LARP1B: variants seen among roughly 807,000 people sequenced by gnomAD.
The protein encoded by LARP1B is la-related protein 1B.
In LARP1B, 76 loss-of-function variants were observed where a neutral mutation model predicts 114.2. The ratio of observed to expected loss-of-function variants is 0.67; its 90% confidence interval spans 0.55 to 0.81. The LOEUF (loss-of-function observed/expected upper bound fraction) is 0.81. Among genes scored for constraint, LARP1B ranks in the 30% least tolerant of loss-of-function variants. LARP1B has a pLI of 0.00. For synonymous variants in LARP1B, 345 were observed against 348.0 expected (o/e 0.99, Z 0.10); for missense variants, 1,014 against 1,075.8 (o/e 0.94, Z 0.80).
intron 5 of LARP1B, among the ~76,000 whole-genome samples, chr4:128,088,005 TA>T (rs1774343157): frequency 6.6e-6 from 1 of 151,956 alleles, no homozygotes; most frequent in Admixed American, 6.6e-5. Flanking sequence ...ATTGAATATA[TA>T]AGAAAATAGA....
rs893303324 is a variant in LARP1B, at chr4:128,097,188, T to G, written c.669-998T>G. Among the ~76,000 whole-genome samples the G allele has an allele frequency of 2.6e-5, 4 of 151,704 alleles. No individual in the cohort carries two copies. In the East Asian group the frequency reaches 7.8e-4, roughly 30 times the overall value. On this transcript the variant is annotated intron_variant, in intron 7 of 19. Coordinates refer to ENST00000326639, the MANE Select transcript of LARP1B (RefSeq NM_018078.4). ...GCTGGGGTTACAGGCGTGAGCCACCTCACCGGGCCACCCTTAATGTCTTAT... is the reference window on the plus strand; with the variant it reads ...GCTGGGGTTACAGGCGTGAGCCACCGCACCGGGCCACCCTTAATGTCTTAT...
chr4:128,081,658 CT>C (rs1433126065), intron 4 of LARP1B, among the ~76,000 whole-genome samples: 3 of 152,040 alleles, frequency 2.0e-5, no homozygotes, highest in Non-Finnish European at 4.4e-5. Context: ...AGGTTTTTTC[CT>C]AGTGTCTAAA....
At chr4:128,096,725 C>A (rs560391861) in intron 7 of LARP1B, among the ~76,000 whole-genome samples, 1 of 151,972 alleles carries the variant, frequency 6.6e-6, no homozygotes, top group African/African-American at 2.4e-5. Flanking sequence ...CTCAACCTCC[C>A]GAGTAGCTGG....
intron 1 of LARP1B, among the ~76,000 whole-genome samples, chr4:128,068,708 C>T (rs1458346613): frequency 3.3e-5 from 5 of 152,042 alleles, no homozygotes; most frequent in African/African-American, 1.2e-4. Flanking sequence ...CCTGGCCTGG[C>T]AGATTCCTTT....
At chr4:128,177,427 T>G (rs1368378243) in intron 13 of LARP1B, among the ~76,000 whole-genome samples, 1 of 152,238 alleles carries the variant, frequency 6.6e-6, no homozygotes, top group Non-Finnish European at 1.5e-5. Context: ...CCTATTTTTT[T>G]TTGTTGCTAC....
At chr4:128,115,760 A>G (rs1018242253) in intron 10 of LARP1B, among the ~76,000 whole-genome samples, 24 of 151,994 alleles carry the variant, frequency 1.6e-4, no homozygotes, top group African/African-American at 5.8e-4. Context: ...GGTTCGAGAG[A>G]GTCTTGTGCC....
At chr4:128,081,378 CTTTT>C (rs35763535) in intron 4 of LARP1B, among the ~76,000 whole-genome samples, 3 of 110,664 alleles carry the variant, frequency 2.7e-5, no homozygotes, top group African/African-American at 3.4e-5. Context: ...TGCGCCCGGC[CTTTT>C]TTTTTTTTTT....
intron 11 of LARP1B, among the ~76,000 whole-genome samples, chr4:128,135,446 G>A (rs1240812546): frequency 6.6e-6 from 1 of 152,104 alleles, no homozygotes; most frequent in Admixed American, 6.6e-5. Context: ...ATGAAGGCAG[G>A]ATCTCTAAGA....
rs1767047110 is a variant in LARP1B, at chr4:128,074,531, A to T, written c.-19+13A>T. On this transcript the variant is annotated intron_variant, in intron 2 of 19. Transcript: ENST00000326639. The stretch of plus-strand genomic sequence containing the variant: ...GAAATCCAACAAGGTATGTCTTCAT[A>T]GGAAATAGTTCTTAACTGTATTGAT... 1.1e-6 allele frequency: 1 copy of T among 879,070 alleles called. No homozygotes were observed. Among genetic ancestry groups the T allele is most frequent in the East Asian group, 1.2e-4 (1 of 8,490 alleles). 54.5% of individuals were successfully genotyped at this position (879,070 alleles called of 1,614,324 possible).
intron 4 of LARP1B, among the ~76,000 whole-genome samples, chr4:128,078,639 C>T (rs1446128376): frequency 2.0e-5 from 3 of 151,338 alleles, no homozygotes; most frequent in Admixed American, 6.6e-5. Context: ...TCAATCTTTT[C>T]CCTCATAGCA....
chr4:128,193,200 C>T (rs1348499535), intron 15 of LARP1B, among the ~76,000 whole-genome samples: 1 of 152,190 alleles, frequency 6.6e-6, no homozygotes, highest in Admixed American at 6.5e-5. Context: ...TGTATATACA[C>T]ATACATATAT....
intron 11 of LARP1B, among the ~76,000 whole-genome samples, chr4:128,147,303 A>G (rs1302038646): frequency 1.3e-5 from 2 of 152,194 alleles, no homozygotes; most frequent in Non-Finnish European, 2.9e-5. Flanking sequence ...GATTTCTGTG[A>G]CAGAGTCTTT....
At chr4:128,195,264 G>A (rs911414464) in intron 15 of LARP1B, among the ~76,000 whole-genome samples, 1 of 152,112 alleles carries the variant, frequency 6.6e-6, no homozygotes, top group African/African-American at 2.4e-5. Flanking sequence ...GATGTTATCT[G>A]CATTTCTTTT....
chr4:128,090,972 G>A, intron 5 of LARP1B, 29 bp from the exon 6 acceptor site: 1 of 1,484,234 alleles, frequency 6.7e-7, no homozygotes, highest in Non-Finnish European at 9.2e-7. Context: ...GCAAATCGAA[G>A]TATATAAAAA....
In LARP1B at chr4:128,148,763, A is replaced by G. The variant is rs886539816; in HGVS notation, c.1525-13431A>G. 2.6e-5 allele frequency among the ~76,000 whole-genome samples: 4 copies of G among 152,066 alleles called. No homozygotes were observed. In the East Asian group the frequency reaches 7.8e-4, roughly 29 times the overall value. ...TGCTGCAGCCTCCTGAGTAGCTGGG[A>G]TTATAGGTGCTCACCACAATGCCTG... On this transcript the variant is annotated intron_variant, in intron 11 of 19. Coordinates refer to ENST00000326639, the MANE Select transcript of LARP1B (RefSeq NM_018078.4).
rs1747212590 is a variant in LARP1B, at chr4:128,178,560, C to T, written c.1814C>T (p.Pro605Leu). ...RIHPTRTPKT[P>L]RTPRLQDPNK... is the part of the protein sequence containing the mutation. ...CATCCTACAAGAACACCCAAAACAC[C>T]TCGAACACCTAGGTTACAAGATCCT... Residue 605 changes from proline to leucine, a missense_variant, in exon 14 of 20, where the codon CCT becomes CTT. By Grantham distance (98) the Pro-to-Leu change is moderately conservative. Coordinates refer to ENST00000326639, the MANE Select transcript of LARP1B (RefSeq NM_018078.4). 1.9e-6 allele frequency: 3 copies of T among 1,613,904 alleles called. No homozygotes were observed. Among genetic ancestry groups the T allele is most frequent in the Non-Finnish European group, 1.7e-6 (2 of 1,179,996 alleles).
intron 11 of LARP1B, chr4:128,155,749 A>G (rs1735283566): frequency 6.2e-7 from 1 of 1,608,210 alleles, no homozygotes; most frequent in Non-Finnish European, 8.5e-7. Flanking sequence ...GGCTGCGGCC[A>G]AGTGTAGGAA....
At chr4:128,069,110 G>T (rs1279977939) in intron 1 of LARP1B, 2 of 1,094,842 alleles carry the variant, frequency 1.8e-6, no homozygotes, top group Non-Finnish European at 2.8e-6. Context: ...CCTTTCCAAG[G>T]CTATGGCTCT....
chr4:128,065,234 C>CA (rs1761931183), intron 1 of LARP1B, among the ~76,000 whole-genome samples: 1 of 150,844 alleles, frequency 6.6e-6, no homozygotes, highest in Non-Finnish European at 1.5e-5. Flanking sequence ...ACTGACTCTG[C>CA]ACTGTTCTCC....
Sources: allele counts gnomAD v4.1 joint callset (sites outside exome capture counted in the v4.1 genomes callset), GRCh38; gene constraint gnomAD v4.1.1; transcripts MANE v1.5; gene names NCBI Gene and HGNC (gene_info 2026-07-23, HGNC 2026-07-21).